Variants in POLR1A observed in about 807,000 individuals in gnomAD.
The protein encoded by POLR1A is DNA-directed RNA polymerase I subunit RPA1.
In POLR1A, 84 loss-of-function variants were observed where a neutral mutation model predicts 205.3. The ratio of observed to expected loss-of-function variants is 0.41; its 90% confidence interval spans 0.34 to 0.49. The LOEUF (loss-of-function observed/expected upper bound fraction) is 0.49, where lower values mean the gene tolerates loss of function less well. Ranked by LOEUF, POLR1A falls within the 20% of genes least tolerant of loss-of-function variation. POLR1A has a pLI of 0.22. For synonymous variants in POLR1A, 799 were observed against 863.7 expected (o/e 0.93, Z 1.31); for missense variants, 1,645 against 2,204.5 (o/e 0.75, Z 5.08).
rs1312828357 is a variant in POLR1A at position 86,077,733 on chromosome 2, T to G, written c.1380+126A>C. Reference sequence around the variant, plus strand: ...TTCCGCCCAAGCCAGAATAATCTGCTGCACATCCTGTCCCCAGTCCTCTGC... The same window carrying G: ...TTCCGCCCAAGCCAGAATAATCTGCGGCACATCCTGTCCCCAGTCCTCTGC... On this transcript the variant is annotated intron_variant, in intron 11 of 33. Transcript: ENST00000263857. 2.6e-6 allele frequency: 3 copies of G among 1,145,286 alleles called. No individual in the cohort carries two copies. The South Asian group carries it at 4.0e-5, about 15-fold the overall frequency. The allele number at this position is 1,145,286 out of a possible 1,614,324, so 70.9% of individuals were successfully genotyped here.
At chr2:86,076,271 G>A (rs904788302) in intron 11 of POLR1A, among the ~76,000 whole-genome samples, 8 of 152,154 alleles carry the variant, frequency 5.3e-5, no homozygotes, top group African/African-American at 9.7e-5. Context: ...CAGGTCCCGC[G>A]CAGCAACACT....
rs568589692 is a variant in POLR1A, at chr2:86,105,858, G to A, written c.-82C>T. The A allele has an allele frequency of 1.6e-6, 2 of 1,280,452 alleles. No homozygotes were observed. Among genetic ancestry groups the A allele is most frequent in the Non-Finnish European group, 2.2e-6 (2 of 891,688 alleles). The allele number at this position is 1,280,452 out of a possible 1,614,324, so 79.3% of individuals were successfully genotyped here. On this transcript the variant is annotated 5_prime_UTR_variant, in exon 1 of 34. Coordinates refer to ENST00000263857, the MANE Select transcript of POLR1A (RefSeq NM_015425.6). Reference sequence around the variant, plus strand: ...CTATTCTTAATTCAACCTCAAGCCCGGAGTCACCACGCGATTCAACGTGCG... The same window carrying A: ...CTATTCTTAATTCAACCTCAAGCCCAGAGTCACCACGCGATTCAACGTGCG...
At chr2:86,045,853 G>T in intron 19 of POLR1A, 84 bp from the exon 20 acceptor site, 1 of 1,230,534 alleles carries the variant, frequency 8.1e-7, no homozygotes. Flanking sequence ...AGTATAATCT[G>T]ACCTTGAAGA....
chr2:86,048,824 A>AT lies in POLR1A; in HGVS notation c.2634+59dup, dbSNP rs199508952. On this transcript the variant is annotated intron_variant, in intron 18 of 33. Transcript: ENST00000263857. ...GGGCCCAGGTGAGAATCAAAATGTA[A>AT]TTTTTTTAAAAATCAGCATTCATAG... 651 of 1,503,282 alleles carry AT rather than the reference A, an allele frequency of 4.3e-4. 9 individuals carry two copies. In the African/African-American group the frequency reaches 7.8e-3, roughly 18 times the overall value. 93.1% of individuals were successfully genotyped at this position (1,503,282 alleles called of 1,614,324 possible). A position where few individuals can be genotyped will look rare whatever the true frequency, so the allele number is the denominator to read the frequency against.
At chr2:86,041,402 G>A (rs1444434381) in intron 24 of POLR1A, among the ~76,000 whole-genome samples, 3 of 152,004 alleles carry the variant, frequency 2.0e-5, no homozygotes, top group East Asian at 1.9e-4. Context: ...GTGTGTGTGT[G>A]TGTGTGTGTG....
intron 14 of POLR1A, among the ~76,000 whole-genome samples, chr2:86,056,103 T>C (rs1249100006): frequency 1.3e-5 from 2 of 152,110 alleles, no homozygotes; most frequent in African/African-American, 2.4e-5. Flanking sequence ...GGTCAACATA[T>C]AAAAATTAAT....
chr2:86,027,536 C>T lies in POLR1A; in HGVS notation c.5063-13G>A, dbSNP rs572799697. 8.5e-5 allele frequency: 137 copies of T among 1,606,118 alleles called. No individual in the cohort carries two copies. In the South Asian group the frequency reaches 1.3e-3, roughly 16 times the overall value. On this transcript the variant is annotated splice_polypyrimidine_tract_variant and intron_variant, in intron 33 of 33. Transcript: ENST00000263857. ...TCATCGTGGGATCCTGACAGAGACA[C>T]AAAAACATGTGTCAGGGTGTTGAGG... is the stretch of plus-strand genomic sequence containing the variant.
At chr2:86,089,686 G>A (rs1296944786) in intron 4 of POLR1A, 136 bp downstream of exon 4, 3 of 629,580 alleles carry the variant, frequency 4.8e-6, no homozygotes, top group Non-Finnish European at 8.6e-6. Context: ...GAGGTTGCAG[G>A]TCTCACAAGA....
intron 14 of POLR1A, among the ~76,000 whole-genome samples, chr2:86,060,786 A>G (rs1672979415): frequency 6.6e-6 from 1 of 152,188 alleles, no homozygotes; most frequent in Non-Finnish European, 1.5e-5. Flanking sequence ...GCAGGCAAAG[A>G]GCTCCTACAG....
At chr2:86,087,441 A>G (rs1337808469) in intron 6 of POLR1A, among the ~76,000 whole-genome samples, 1 of 152,200 alleles carries the variant, frequency 6.6e-6, no homozygotes, top group African/African-American at 2.4e-5. Context: ...AAGAGGCTTT[A>G]GGAATGCCAT....
At chr2:86,033,554 G>A in intron 28 of POLR1A, 107 bp downstream of exon 28, 1 of 1,247,500 alleles carries the variant, frequency 8.0e-7, no homozygotes. Context: ...GTAGGAGATG[G>A]GCCAGCACCA....
Position 86,085,015 on chromosome 2 carries a change from G to A in POLR1A, c.731-1847C>T, listed in dbSNP as rs566606690. On this transcript the variant is annotated intron_variant, in intron 6 of 33. Coordinates refer to ENST00000263857, the MANE Select transcript of POLR1A (RefSeq NM_015425.6). ...CTTGCTCTGTCGACCAGGCTGGAGT[G>A]CAGTGGCACGATCTTCGCTCACTGC... Among the ~76,000 whole-genome samples the A allele has an allele frequency of 1.5e-4, 23 of 152,328 alleles. No homozygotes were observed. In the East Asian group the frequency reaches 4.4e-3, roughly 29 times the overall value.
intron 16 of POLR1A, among the ~76,000 whole-genome samples, chr2:86,049,912 T>G (rs1573811121): frequency 7.0e-6 from 1 of 142,996 alleles, no homozygotes; most frequent in African/African-American, 2.6e-5. Context: ...CAAACTAGTG[T>G]TTTTTTTTTT....
intron 19 of POLR1A, 55 bp downstream of exon 19, chr2:86,047,110 C>T (rs910256011): frequency 8.4e-7 from 1 of 1,191,690 alleles, no homozygotes. Flanking sequence ...CTCCTGCTAT[C>T]CCCCACCTGC....
chr2:86,036,071 G>A (rs1672488020), intron 27 of POLR1A, among the ~76,000 whole-genome samples: 1 of 152,202 alleles, frequency 6.6e-6, no homozygotes, highest in South Asian at 2.1e-4. Context: ...GGGAACAGGA[G>A]GGGCAGGGGC....
At chr2:86,069,252 C>T (rs1277628839) in intron 13 of POLR1A, among the ~76,000 whole-genome samples, 1 of 152,234 alleles carries the variant, frequency 6.6e-6, no homozygotes, top group Non-Finnish European at 1.5e-5. Context: ...AACTATGAAT[C>T]ATTGTGGCGC....
chr2:86,059,939 TTTTATC>T (rs1672967082), intron 14 of POLR1A, among the ~76,000 whole-genome samples: 1 of 152,170 alleles, frequency 6.6e-6, no homozygotes, highest in Non-Finnish European at 1.5e-5. Context: ...GAGTTTTTCC[TTTTATC>T]TTTATCAATA....
chr2:86,079,452 ACACATCCTGTCAAT>A (rs1380430933), intron 9 of POLR1A, among the ~76,000 whole-genome samples: 2 of 152,208 alleles, frequency 1.3e-5, no homozygotes, highest in East Asian at 1.9e-4. Flanking sequence ...GGGAGAAAAA[ACACATCCTGTCAAT>A]CACAAGGAAA....
At chr2:86,067,602 GTTAC>G (rs1318669414) in intron 13 of POLR1A, among the ~76,000 whole-genome samples, 2 of 152,032 alleles carry the variant, frequency 1.3e-5, no homozygotes, top group African/African-American at 4.8e-5. Flanking sequence ...CAGTATTATG[GTTAC>G]TTAAGGAAGA....
Sources: gnomAD v4.1 joint callset for allele counts (sites outside exome capture counted in the v4.1 genomes callset) on GRCh38, gnomAD v4.1.1 for gene constraint, MANE v1.5 for transcripts, NCBI Gene and HGNC (gene_info 2026-07-23, HGNC 2026-07-21) for gene names.